The following MBNL1 variants were observed in gnomAD, a reference collection of about 807,000 sequenced individuals.
MBNL1 encodes the protein muscleblind-like protein 1.
A neutral mutation model predicts 42.2 loss-of-function variants in MBNL1; 8 were observed. The observed-to-expected ratio is 0.19, with a 90% CI of 0.11 to 0.34. MBNL1 has a LOEUF of 0.34. MBNL1 is among the 10% of genes least tolerant of loss of function. The probability of loss-of-function intolerance (pLI) is 1.00; values close to 1 mark genes in which losing one functional copy is unlikely to be tolerated. For missense variants in MBNL1, 309 were observed against 495.3 expected (o/e 0.62, Z 3.57); for synonymous variants, 169 against 173.9 (o/e 0.97, Z 0.22).
In MBNL1 at chr3:152,432,927, A is replaced by G. The variant is rs2099024899; in HGVS notation, c.549+7A>G. The G allele has an allele frequency of 6.2e-7, 1 of 1,608,122 alleles. No individual in the cohort carries two copies. The highest frequency in any genetic ancestry group is 8.5e-7 in the Non-Finnish European group (1 of 1,174,848). ...GCGAACAGACAGACTTGAGGTAGGA[A>G]TGACTAGTTGGTGTCTTTATATACT... On this transcript the variant is annotated splice_region_variant and intron_variant, in intron 4 of 9. Coordinates refer to ENST00000324210, the MANE Select transcript of MBNL1 (RefSeq NM_021038.5).
chr3:152,379,315 T>C lies in MBNL1; in HGVS notation c.175-35626T>C, dbSNP rs184223183. On this transcript the variant is annotated intron_variant, in intron 2 of 9. Transcript: ENST00000324210. The stretch of plus-strand genomic sequence containing the variant: ...ATTATCAGAGTTTTCTGTCAACCAA[T>C]GATCATTAATATTTGGTGATTACAG... 1.8e-3 allele frequency among the ~76,000 whole-genome samples: 280 copies of C among 152,312 alleles called. 1 individual carries two copies. Among genetic ancestry groups the C allele is most frequent in the African/African-American group, 6.2e-3 (259 of 41,584 alleles).
At chr3:152,315,764 C>T (rs2070564711) in intron 2 of MBNL1, among the ~76,000 whole-genome samples, 1 of 152,120 alleles carries the variant, frequency 6.6e-6, no homozygotes, top group Admixed American at 6.5e-5. Flanking sequence ...TTCCCATCAG[C>T]TCCAAAGTAG....
chr3:152,401,138 T>C (rs560625135), intron 2 of MBNL1, among the ~76,000 whole-genome samples: 4 of 152,374 alleles, frequency 2.6e-5, no homozygotes, highest in Admixed American at 2.6e-4. Flanking sequence ...ATGTGATAGC[T>C]GGACACCCAG....
intron 2 of MBNL1, chr3:152,302,485 A>C (rs2061120447): frequency 6.6e-6 from 1 of 152,150 alleles, no homozygotes; most frequent in Non-Finnish European, 1.5e-5. Flanking sequence ...GTTAAAAAAC[A>C]TGTTTCTTAC....
chr3:152,318,912 C>T (rs1409511511), intron 2 of MBNL1, among the ~76,000 whole-genome samples: 1 of 152,116 alleles, frequency 6.6e-6, no homozygotes, highest in Admixed American at 6.5e-5. Flanking sequence ...TATGATTATT[C>T]AATATCATGT....
intron 2 of MBNL1, among the ~76,000 whole-genome samples, chr3:152,381,327 G>A (rs1292144337): frequency 6.6e-6 from 1 of 151,822 alleles, no homozygotes; most frequent in Non-Finnish European, 1.5e-5. Flanking sequence ...AGTAGAAAAA[G>A]CCCATGGCAT....
chr3:152,264,339 A>G (rs537544713), upstream of MBNL1: 5 of 152,300 alleles, frequency 3.3e-5, no homozygotes, highest in South Asian at 4.1e-4. Flanking sequence ...TGGAAAGAAG[A>G]AAGAAAGGAT....
intron 4 of MBNL1, among the ~76,000 whole-genome samples, chr3:152,443,485 T>TACACACACACAC (rs150370083): frequency 0.03 from 4,284 of 144,890 alleles, 161 homozygotes; most frequent in African/African-American, 0.088. Flanking sequence ...ATATTTAGCA[T>TACACACACACAC]ACACACACAC....
At chr3:152,243,688 A>G (rs2032233199), upstream of MBNL1, 2 of 152,160 alleles carry the variant, frequency 1.3e-5, no homozygotes, top group Admixed American at 6.6e-5. Context: ...GTTAATTCCC[A>G]TATATCAGCT....
At chr3:152,332,743 C>CGT (rs1406513179) in intron 2 of MBNL1, among the ~76,000 whole-genome samples, 3 of 138,316 alleles carry the variant, frequency 2.2e-5, no homozygotes, top group African/African-American at 8.2e-5. Flanking sequence ...TGTGTGTGCG[C>CGT]GCGCGCATGC....
intron 3 of MBNL1, among the ~76,000 whole-genome samples, chr3:152,415,412 C>G (rs1446658080): frequency 2.0e-5 from 3 of 152,152 alleles, no homozygotes; most frequent in Non-Finnish European, 4.4e-5. Context: ...CAATGATCAT[C>G]TAACTCACCG....
intron 3 of MBNL1, among the ~76,000 whole-genome samples, chr3:152,428,979 G>C (rs769941210): frequency 6.6e-6 from 1 of 152,122 alleles, no homozygotes; most frequent in South Asian, 2.1e-4. Flanking sequence ...ATTCACTCAA[G>C]TACTAATTCA....
chr3:152,441,130 A>G (rs2099140476), intron 4 of MBNL1, among the ~76,000 whole-genome samples: 1 of 152,194 alleles, frequency 6.6e-6, no homozygotes, highest in African/African-American at 2.4e-5. Context: ...AAAACATATT[A>G]CCTCAAAGGG....
At chr3:152,245,732 C>G (rs918978448) in intron 2 of MBNL1, among the ~76,000 whole-genome samples, 1 of 152,056 alleles carries the variant, frequency 6.6e-6, no homozygotes, top group Non-Finnish European at 1.5e-5. Context: ...TGCACTACAC[C>G]AATAAGTTGC....
At chr3:152,459,033 C>T in intron 8 of MBNL1, 1 of 328,012 alleles carries the variant, frequency 3.0e-6, no homozygotes, top group East Asian at 5.1e-5. Flanking sequence ...GATAGTTTTA[C>T]TTATTTCCTA....
chr3:152,278,232 C>G (rs1400163946), intron 1 of MBNL1, among the ~76,000 whole-genome samples: 1 of 152,038 alleles, frequency 6.6e-6, no homozygotes, highest in Non-Finnish European at 1.5e-5. Flanking sequence ...ATTTGAACTT[C>G]ATTGCTGTAA....
At position 152,427,713 on chromosome 3, in the gene MBNL1, T is replaced by A. The variant is rs192240501; in HGVS notation, c.346-5004T>A. On this transcript the variant is annotated intron_variant, in intron 3 of 9. Coordinates refer to ENST00000324210, the MANE Select transcript of MBNL1 (RefSeq NM_021038.5). ...TATACCTTGATTATGTGTGCTTTTT[T>A]AAAAAAAATTTTTTTATATTAAAAA... Among the ~76,000 whole-genome samples the A allele has an allele frequency of 6.2e-3, 945 of 151,472 alleles. 10 individuals carry two copies. Among genetic ancestry groups the A allele is most frequent in the African/African-American group, 0.022 (894 of 41,446 alleles).
In MBNL1 at chr3:152,450,248, C is replaced by T. The variant is rs145074264; in HGVS notation, c.961+2475C>T. On this transcript the variant is annotated intron_variant, in intron 6 of 9. Transcript: ENST00000324210. Reference sequence around the variant, plus strand: ...TTTATTTGCAACTCAGTTATAAGGGCCTGAAACAGCAAGTTGACCTTTATT... The same window carrying T: ...TTTATTTGCAACTCAGTTATAAGGGTCTGAAACAGCAAGTTGACCTTTATT... Among the ~76,000 whole-genome samples the T allele has an allele frequency of 3.6e-3, 550 of 151,954 alleles. 3 individuals are homozygous for T. The highest frequency in any genetic ancestry group is 0.013 in the African/African-American group (527 of 41,438).
rs918926013 is a variant in MBNL1 at position 152,445,457 on chromosome 3, A to G, written c.725A>G (p.His242Arg). ...TGCAAATACTTTCATCCCCCTGCAC[A>G]TTTGCAAGCCAAGATCAAGGCTGCC... ...EKCKYFHPPA[H>R]LQAKIKAAQY... Residue 242 changes from histidine to arginine, a missense_variant, in exon 5 of 10, where the codon CAT becomes CGT. Transcript: ENST00000324210. The G allele has an allele frequency of 1.3e-6, 2 of 1,592,322 alleles. No individual in the cohort carries two copies. Among genetic ancestry groups the G allele is most frequent in the Non-Finnish European group, 8.6e-7 (1 of 1,166,858 alleles).
Sources: gnomAD v4.1 joint callset for allele counts (sites outside exome capture counted in the v4.1 genomes callset) on GRCh38, gnomAD v4.1.1 for gene constraint, MANE v1.5 for transcripts, NCBI Gene and HGNC (gene_info 2026-07-23, HGNC 2026-07-21) for gene names.